The following CARS1 variants were observed in gnomAD, a reference collection of about 807,000 sequenced individuals.
The protein encoded by CARS1 is cysteinyl-tRNA synthetase 1, also known as cysteine--tRNA ligase, cytoplasmic.
In CARS1, 48 loss-of-function variants were observed where a neutral mutation model predicts 106.2. That is an observed-to-expected ratio of 0.45 (90% CI 0.36 to 0.57). The LOEUF is 0.57. CARS1 is among the 20% of genes least tolerant of loss of function. The pLI, the probability that CARS1 is intolerant of heterozygous loss-of-function variation, is 0.00. For missense variants in CARS1, 968 were observed against 1,057.2 expected (o/e 0.92, Z 1.17); for synonymous variants, 409 against 403.4 (o/e 1.01, Z -0.17).
rs1407506918 is a variant in CARS1 at position 3,043,593 on chromosome 11, C to T, written c.275-1337G>A. Among the ~76,000 whole-genome samples, 4 of 151,710 alleles carry T rather than the reference C, an allele frequency of 2.6e-5. No homozygotes were observed. Among genetic ancestry groups the T allele is most frequent in the Non-Finnish European group, 5.9e-5 (4 of 67,942 alleles). The stretch of plus-strand genomic sequence containing the variant: ...CCCACCCCAGCAGGCCGCCTGGCAG[C>T]TCACCAGGGTGCTCGCATCCTGCCT... On this transcript the variant is annotated intron_variant, in intron 2 of 22. Coordinates refer to ENST00000380525, the MANE Select transcript of CARS1 (RefSeq NM_001014437.3). The surrounding 1 kb of genome is among the most constrained non-coding windows in gnomAD (Gnocchi z 4.0).
intron 7 of CARS1, among the ~76,000 whole-genome samples, chr11:3,035,492 CTTTTT>C (rs1057498155): frequency 1.3e-5 from 2 of 151,422 alleles, no homozygotes; most frequent in Non-Finnish European, 2.9e-5. Context: ...ACATTTCTTT[CTTTTT>C]TTTTAAGAGT....
rs769332302 is a variant in CARS1 at position 3,020,110 on chromosome 11, C to T, written c.1266+110G>A. The T allele has an allele frequency of 3.7e-5, 27 of 735,262 alleles. No homozygotes were observed. Among genetic ancestry groups the T allele is most frequent in the Admixed American group, 7.8e-5 (4 of 51,102 alleles). 45.5% of individuals were successfully genotyped at this position (735,262 alleles called of 1,614,324 possible). ...TGCTGCACCAGCACCAGGCTCTGGCCCAGTGACAACATCCTTCACACACAG... is the reference window on the plus strand; with the variant it reads ...TGCTGCACCAGCACCAGGCTCTGGCTCAGTGACAACATCCTTCACACACAG... On this transcript the variant is annotated intron_variant, in intron 11 of 22. Transcript: ENST00000380525. This position sits in a 1 kb window ranked among gnomAD's most constrained non-coding sequence, Gnocchi z 4.6.
chr11:3,006,832 C>T, intron 19 of CARS1, 47 bp downstream of exon 19: 1 of 1,482,090 alleles, frequency 6.7e-7, no homozygotes, highest in Non-Finnish European at 9.4e-7. Context: ...TGTGACACCT[C>T]TCCAAGCTCC....
intron 20 of CARS1, among the ~76,000 whole-genome samples, chr11:3,002,806 C>T (rs910424859): frequency 2.0e-4 from 30 of 152,150 alleles, no homozygotes; most frequent in African/African-American, 7.2e-4. Context: ...GGATCCTCAG[C>T]GGCACCCCTG....
intron 20 of CARS1, 146 bp from the exon 21 acceptor site, chr11:3,002,746 GACA>G: frequency 4.3e-6 from 6 of 1,391,292 alleles, no homozygotes; most frequent in Non-Finnish European, 5.8e-6. Flanking sequence ...ACTGTGGGGA[GACA>G]AGCCCATGTG....
At chr11:3,016,260 G>A (rs1015556164) in intron 16 of CARS1, among the ~76,000 whole-genome samples, 2 of 147,044 alleles carry the variant, frequency 1.4e-5, no homozygotes, top group Admixed American at 6.9e-5. Flanking sequence ...TCACTCTGTC[G>A]CCCAGGCTGG....
In CARS1 at chr11:3,052,093, T is replaced by C. The variant is rs1429818937; in HGVS notation, c.26-4092A>G. The stretch of plus-strand genomic sequence containing the variant: ...CATTTTCTGCAGTAAGCATCTGCTA[T>C]TTTTAAAATGAGAAAAACATCAAAT... On this transcript the variant is annotated intron_variant, in intron 1 of 22. Transcript: ENST00000380525. The surrounding 1 kb of genome is among the most constrained non-coding windows in gnomAD (Gnocchi z 4.6). Among the ~76,000 whole-genome samples the C allele has an allele frequency of 1.3e-5, 2 of 152,264 alleles. No individual in the cohort carries two copies. The highest frequency in any genetic ancestry group is 4.8e-5 in the African/African-American group (2 of 41,468).
chr11:3,045,688 C>A lies in CARS1; in HGVS notation c.274+2065G>T, dbSNP rs1855010087. On this transcript the variant is annotated intron_variant, in intron 2 of 22. Coordinates refer to ENST00000380525, the MANE Select transcript of CARS1 (RefSeq NM_001014437.3). This position sits in a 1 kb window ranked among gnomAD's most constrained non-coding sequence, Gnocchi z 5.6. Reference sequence around the variant, plus strand: ...GGCACATCTGATGCTGCTGGGATGTCCAACAGAGGTGGAAGGGCGAGCAGG... The same window carrying A: ...GGCACATCTGATGCTGCTGGGATGTACAACAGAGGTGGAAGGGCGAGCAGG... Among the ~76,000 whole-genome samples, 1 of 152,154 alleles carries A rather than the reference C, an allele frequency of 6.6e-6. No individual in the cohort carries two copies. Among genetic ancestry groups the A allele is most frequent in the African/African-American group, 2.4e-5 (1 of 41,442 alleles).
At position 3,029,500 on chromosome 11, in the gene CARS1, C is replaced by T; in HGVS notation, c.802-57G>A. ...GGCCACACACTTCACATGAGAACAT[C>T]TCGTGCAGCTGGTGTGAGCCCATCA... On this transcript the variant is annotated intron_variant, in intron 7 of 22. Transcript: ENST00000380525. This position sits in a 1 kb window ranked among gnomAD's most constrained non-coding sequence, Gnocchi z 5.9. 1 of 1,588,796 alleles carries T rather than the reference C, an allele frequency of 6.3e-7. No individual in the cohort carries two copies. Among genetic ancestry groups the T allele is most frequent in the East Asian group, 2.2e-5 (1 of 44,642 alleles).
At chr11:3,023,576 G>A (rs1408136873) in intron 10 of CARS1, among the ~76,000 whole-genome samples, 1 of 152,038 alleles carries the variant, frequency 6.6e-6, no homozygotes, top group African/African-American at 2.4e-5. Flanking sequence ...TAAAATTTTT[G>A]TAGAGATGCG....
In CARS1 at chr11:3,030,477, G is replaced by A. The variant is rs1029153681; in HGVS notation, c.802-1034C>T. 6.6e-6 allele frequency: 1 copy of A among 152,250 alleles called. No individual in the cohort carries two copies. The highest frequency in any genetic ancestry group is 2.4e-5 in the African/African-American group (1 of 41,474). The allele number at this position is 152,250 out of a possible 1,614,324, so 9.4% of individuals were successfully genotyped here. ...ACCAAAAGCAGGGTGTGCGCTCTGG[G>A]GAGCAAAGGCTGCCAAGTCTGCTGC... is the stretch of plus-strand genomic sequence containing the variant. On this transcript the variant is annotated intron_variant, in intron 7 of 22. Transcript: ENST00000380525. The surrounding 1 kb of genome is among the most constrained non-coding windows in gnomAD (Gnocchi z 5.7).
rs402806 is a variant in CARS1, at chr11:3,045,202, A to G, written c.274+2551T>C. 0.5 allele frequency among the ~76,000 whole-genome samples: 75,465 copies of G among 151,916 alleles called. 21,181 individuals carry two copies. The highest frequency in any genetic ancestry group is 0.76 in the African/African-American group (31,631 of 41,432). ...GGCTGGTGATCCAGGGAAGGGATCC[A>G]CCAGGAAGGGGTCTGGCTTCACAGG... On this transcript the variant is annotated intron_variant, in intron 2 of 22. Coordinates refer to ENST00000380525, the MANE Select transcript of CARS1 (RefSeq NM_001014437.3). This position sits in a 1 kb window ranked among gnomAD's most constrained non-coding sequence, Gnocchi z 5.6.
Position 3,001,992 on chromosome 11 carries a change from T to A in CARS1, c.2339A>T (p.Lys780Ile), listed in dbSNP as rs773467197. The A allele has an allele frequency of 1.3e-5, 21 of 1,613,582 alleles. No homozygotes were observed. The highest frequency in any genetic ancestry group is 1.8e-5 in the Non-Finnish European group (21 of 1,179,686). ...PSEMFLSETD[K>I]YSKFDENGLP... ...TACATTTTCATCAAACTTGGAGTAT[T>A]TGTCGGTTTCTGACAAGAACATCTC... Residue 780 changes from lysine (K) to isoleucine (I), a missense_variant, in exon 22 of 23, where the codon AAA (lysine) becomes ATA (isoleucine). Coordinates refer to ENST00000380525, the MANE Select transcript of CARS1 (RefSeq NM_001014437.3).
At chr11:3,055,410 G>T (rs1208384601) in intron 1 of CARS1, among the ~76,000 whole-genome samples, 2 of 152,178 alleles carry the variant, frequency 1.3e-5, no homozygotes, top group African/African-American at 4.8e-5. Flanking sequence ...CAAAGTGCTG[G>T]GATTACAGGT....
Position 3,038,294 on chromosome 11 carries a change from C to T in CARS1, c.652-95G>A. On this transcript the variant is annotated intron_variant, in intron 6 of 22. Transcript: ENST00000380525. This position sits in a 1 kb window ranked among gnomAD's most constrained non-coding sequence, Gnocchi z 4.0. ...CCAGGTAGAAAACAGAACGGTTTTT[C>T]CCATGGCCCCATAGAGATAGAGAAG... 1 of 1,159,256 alleles carries T rather than the reference C, an allele frequency of 8.6e-7. No homozygotes were observed. Among genetic ancestry groups the T allele is most frequent in the Non-Finnish European group, 1.3e-6 (1 of 791,890 alleles). The allele number at this position is 1,159,256 out of a possible 1,614,324, so 71.8% of individuals were successfully genotyped here.
intron 21 of CARS1, 45 bp from the exon 22 acceptor site, chr11:3,002,098 T>G (rs1258498922): frequency 2.3e-6 from 3 of 1,312,662 alleles, no homozygotes; most frequent in Admixed American, 1.7e-5. Flanking sequence ...GAGCAGCACC[T>G]GGGGCTCCGC....
intron 10 of CARS1, among the ~76,000 whole-genome samples, chr11:3,026,274 C>T (rs1852065787): frequency 6.6e-6 from 1 of 152,124 alleles, no homozygotes; most frequent in Non-Finnish European, 1.5e-5. Context: ...TTCTTGTGGT[C>T]ACTAGCACAG....
rs1849354289 is a variant in CARS1, at chr11:3,001,046, G to A, written c.*68C>T. 4 of 1,559,718 alleles carry A rather than the reference G, an allele frequency of 2.6e-6. No homozygotes were observed. Among genetic ancestry groups the A allele is most frequent in the Middle Eastern group, 1.7e-4 (1 of 5,992 alleles). ...ACTGTAAACATGATAGGAGCGCTGG[G>A]ACATTGTCACTGAGGCAGACAGCAG... On this transcript the variant is annotated 3_prime_UTR_variant, in exon 23 of 23. Coordinates refer to ENST00000380525, the MANE Select transcript of CARS1 (RefSeq NM_001014437.3).
chr11:3,049,346 T>C (rs1160784142), intron 1 of CARS1, among the ~76,000 whole-genome samples: 2 of 152,174 alleles, frequency 1.3e-5, no homozygotes, highest in Non-Finnish European at 2.9e-5. Context: ...CTCCTTCCCC[T>C]ACTGTCAGGA....
Sources: allele counts gnomAD v4.1 joint callset (sites outside exome capture counted in the v4.1 genomes callset), GRCh38; gene constraint gnomAD v4.1.1; non-coding constraint Gnocchi (gnomAD v3.1); transcripts MANE v1.5; gene names NCBI Gene and HGNC (gene_info 2026-07-23, HGNC 2026-07-21).